The following CAPN3 variants were observed in gnomAD, a reference collection of about 807,000 sequenced individuals.
CAPN3 encodes the protein calpain-3.
Under a neutral mutation model 114.0 loss-of-function variants are expected in CAPN3, and 88 were observed. The ratio of observed to expected loss-of-function variants is 0.77; its 90% CI spans 0.65 to 0.92. The LOEUF (loss-of-function observed/expected upper bound fraction) is 0.92, where lower values mean the gene tolerates loss of function less well. Ranked by LOEUF, CAPN3 falls within the 40% of genes least tolerant of loss-of-function variation. The probability of loss-of-function intolerance (pLI) is 0.00; values close to 1 mark genes in which losing one functional copy is unlikely to be tolerated. For synonymous variants in CAPN3, 386 were observed against 382.9 expected (o/e 1.01, Z -0.09); for missense variants, 1,028 against 1,069.0 (o/e 0.96, Z 0.53).
intron 3 of CAPN3, 36 bp downstream of exon 3, chr15:42,386,321 G>A: frequency 1.4e-6 from 2 of 1,429,026 alleles, no homozygotes; most frequent in South Asian, 2.3e-5. Flanking sequence ...AGGGCCAGCG[G>A]CAGGCCACCC....
intron 1 of CAPN3, among the ~76,000 whole-genome samples, chr15:42,376,885 G>T (rs1192656102): frequency 6.6e-6 from 1 of 152,114 alleles, no homozygotes; most frequent in East Asian, 1.9e-4. Context: ...AGCTAAACAT[G>T]AGTTCACACT....
intron 6 of CAPN3, among the ~76,000 whole-genome samples, chr15:42,391,617 A>C (rs2053558532): frequency 6.6e-6 from 1 of 152,284 alleles, no homozygotes; most frequent in South Asian, 2.1e-4. Context: ...CTGTTACGTT[A>C]GTAGGCACAT....
At chr15:42,407,694 C>T (rs1441619279) in intron 15 of CAPN3, among the ~76,000 whole-genome samples, 1 of 152,160 alleles carries the variant, frequency 6.6e-6, no homozygotes, top group Non-Finnish European at 1.5e-5. Context: ...ATGGCTCACC[C>T]ACTGACCATG....
intron 1 of CAPN3, among the ~76,000 whole-genome samples, chr15:42,383,973 G>C (rs2053315655): frequency 6.6e-6 from 1 of 152,136 alleles, no homozygotes; most frequent in Admixed American, 6.6e-5. Context: ...TCTGGCTTCT[G>C]CTACTTACTA....
chr15:42,383,946 T>A (rs1180893254), intron 1 of CAPN3, among the ~76,000 whole-genome samples: 2 of 152,042 alleles, frequency 1.3e-5, no homozygotes, highest in Non-Finnish European at 2.9e-5. Flanking sequence ...TGGGACAATG[T>A]AAAAAGGAGG....
chr15:42,405,354 A>C (rs1156283598), intron 14 of CAPN3, among the ~76,000 whole-genome samples: 2 of 152,140 alleles, frequency 1.3e-5, no homozygotes, highest in Non-Finnish European at 2.9e-5. Flanking sequence ...CTTGTCACCC[A>C]GGCTGGAGTG....
At position 42,396,859 on chromosome 15, in the gene CAPN3, C is replaced by T; in HGVS notation, c.1175C>T (p.Thr392Ile). The T allele has an allele frequency of 6.2e-7, 1 of 1,613,740 alleles. No homozygotes were observed. The highest frequency in any genetic ancestry group is 8.5e-7 in the Non-Finnish European group (1 of 1,179,700). The change falls in exon 9 of 24, where the codon ACT becomes ATT. Residue 392 changes from threonine to isoleucine, a missense_variant. Coordinates refer to ENST00000397163, the MANE Select transcript of CAPN3 (RefSeq NM_000070.3). The stretch of plus-strand genomic sequence containing the variant: ...AAGGCCCGTCTGCAGCACCAGGTCA[C>T]TGAGGATGGAGAGTTCTGGTGAGTC... ...DEKARLQHQV[T>I]EDGEFWMSYE... is the part of the protein sequence containing the mutation.
chr15:42,410,497 G>T lies in CAPN3; in HGVS notation c.2184+1G>T. The T allele has an allele frequency of 6.2e-7, 1 of 1,614,106 alleles. No homozygotes were observed. The highest frequency in any genetic ancestry group is 8.5e-7 in the Non-Finnish European group (1 of 1,179,964). On this transcript the variant is annotated splice_donor_variant, in intron 20 of 23. Coordinates refer to ENST00000397163, the MANE Select transcript of CAPN3 (RefSeq NM_000070.3). LOFTEE classifies it high-confidence loss of function. Reference sequence around the variant, plus strand: ...CTGGAACAAGATTAAGGCCTGGCAGGTGGGAAGAGAAAATGAAGCGTGGGA... The same window carrying T: ...CTGGAACAAGATTAAGGCCTGGCAGTTGGGAAGAGAAAATGAAGCGTGGGA...
intron 1 of CAPN3, among the ~76,000 whole-genome samples, chr15:42,372,538 GT>G (rs200535969): frequency 6.6e-6 from 1 of 151,728 alleles, no homozygotes; most frequent in Non-Finnish European, 1.5e-5. Flanking sequence ...TTTTTTTGTT[GT>G]TTTTTTTGAG....
Position 42,394,310 on chromosome 15 carries a change from C to T in CAPN3, c.1084C>T (p.Gln362Ter), listed in dbSNP as rs965032792. The T allele has an allele frequency of 3.8e-6, 6 of 1,563,222 alleles. No individual in the cohort carries two copies. The highest frequency in any genetic ancestry group is 4.3e-6 in the Non-Finnish European group (5 of 1,153,236). Residue 362 changes from glutamine (Q) to a stop codon, truncating the protein, a stop_gained, in exon 8 of 24, where the codon CAG (glutamine) becomes TAG (stop). Coordinates refer to ENST00000397163, the MANE Select transcript of CAPN3 (RefSeq NM_000070.3). LOFTEE classifies it high-confidence loss of function. ...GGTGCGGCTGCGGAATCCGTGGGGCCAGGTGGAGTGGAACGGTTCTTGGAG... is the reference window on the plus strand; with the variant it reads ...GGTGCGGCTGCGGAATCCGTGGGGCTAGGTGGAGTGGAACGGTTCTTGGAG... ...KLVRLRNPWGQVEWNGSWSDR... is the reference protein window; with the variant it reads ...KLVRLRNPWG
chr15:42,369,701 G>A (rs978481070), intron 1 of CAPN3, among the ~76,000 whole-genome samples: 20 of 151,744 alleles, frequency 1.3e-4, no homozygotes, highest in African/African-American at 3.4e-4. Flanking sequence ...AATGTGCCAC[G>A]CCCATCTTGT....
rs148044781 is a variant in CAPN3 at position 42,401,791 on chromosome 15, T to C, written c.1505T>C (p.Ile502Thr). ...DRKLGASLFT[I>T]GFAIYEVPKE... is the part of the protein sequence containing the mutation. ...AAGCTAGGGGCCAGTCTCTTCACCA[T>C]TGGCTTCGCCATCTACGAGGTGTGC... Residue 502 changes from isoleucine (I) to threonine (T), a missense_variant, in exon 11 of 24, where the codon ATT becomes ACT. By Grantham distance (89) the Ile-to-Thr change is moderately conservative. Transcript: ENST00000397163. The C allele has an allele frequency of 4.2e-4, 684 of 1,613,672 alleles. No homozygotes were observed. The highest frequency in any genetic ancestry group is 5.5e-4 in the Non-Finnish European group (644 of 1,179,854).
At chr15:42,389,188 A>G in intron 5 of CAPN3, 92 bp downstream of exon 5, 18 of 1,234,198 alleles carry the variant, frequency 1.5e-5, no homozygotes, top group Non-Finnish European at 2.1e-5. Context: ...TTTGTGTGGG[A>G]CAGAGCGAAT....
At chr15:42,400,466 C>A (rs767486971) in intron 10 of CAPN3, among the ~76,000 whole-genome samples, 1 of 152,058 alleles carries the variant, frequency 6.6e-6, no homozygotes, top group Non-Finnish European at 1.5e-5. Flanking sequence ...GTGGGTGGCT[C>A]ATGCCTATAA....
intron 16 of CAPN3, chr15:42,408,752 A>G (rs1470847445): frequency 5.9e-6 from 2 of 341,766 alleles, no homozygotes; most frequent in Non-Finnish European, 1.1e-5. Flanking sequence ...AGGGTGTTAG[A>G]TTGGAGTGGG....
intron 1 of CAPN3, among the ~76,000 whole-genome samples, chr15:42,369,725 C>T (rs1313812280): frequency 6.6e-6 from 1 of 152,062 alleles, no homozygotes; most frequent in Admixed American, 6.6e-5. Context: ...TTTGTTGCCC[C>T]ACAACTGGAA....
At chr15:42,408,897 G>C (rs189640096) in intron 16 of CAPN3, 1 of 289,202 alleles carries the variant, frequency 3.5e-6, no homozygotes, top group African/African-American at 2.2e-5. Flanking sequence ...GCCTCATGCA[G>C]TGGGGCCTAG....
At chr15:42,380,365 T>G (rs1401834983) in intron 1 of CAPN3, among the ~76,000 whole-genome samples, 1 of 142,602 alleles carries the variant, frequency 7.0e-6, no homozygotes, top group Non-Finnish European at 1.5e-5. Flanking sequence ...TCTTCTTTTT[T>G]GTCTTTTTTT....
At chr15:42,391,813 T>C (rs1204955074) in intron 6 of CAPN3, among the ~76,000 whole-genome samples, 1 of 152,180 alleles carries the variant, frequency 6.6e-6, no homozygotes, top group Admixed American at 6.6e-5. Context: ...ACTGGGACTC[T>C]TGATTTCTTG....
Sources: allele counts gnomAD v4.1 joint callset (sites outside exome capture counted in the v4.1 genomes callset), GRCh38; gene constraint gnomAD v4.1.1; transcripts MANE v1.5; gene names NCBI Gene and HGNC (gene_info 2026-07-23, HGNC 2026-07-21).